Variants in LEPR observed in about 807,000 individuals in gnomAD.
LEPR encodes OB receptor.
Under a neutral mutation model 114.7 loss-of-function variants are expected in LEPR, and 56 were observed. The ratio of observed to expected loss-of-function variants is 0.49; its 90% CI spans 0.39 to 0.61. The LOEUF (loss-of-function observed/expected upper bound fraction) is 0.61, where lower values mean the gene tolerates loss of function less well. Ranked by LOEUF, LEPR falls within the 20% of genes least tolerant of loss-of-function variation. LEPR has a pLI of 0.00. For synonymous variants in LEPR, 443 were observed against 461.4 expected, an observed-to-expected ratio of 0.96 and a Z score of 0.51; for missense variants, 1,202 against 1,352.9, an observed-to-expected ratio of 0.89 and a Z score of 1.75.
intron 2 of LEPR, among the ~76,000 whole-genome samples, chr1:65,504,501 T>C (rs544113687): frequency 2.6e-5 from 4 of 152,330 alleles, no homozygotes; most frequent in Non-Finnish European, 4.4e-5. Flanking sequence ...TTCCTCTGCA[T>C]GTAACAAACA....
chr1:65,568,436 C>T (rs1653921113), intron 3 of LEPR, among the ~76,000 whole-genome samples: 1 of 152,040 alleles, frequency 6.6e-6, no homozygotes, highest in South Asian at 2.1e-4. Flanking sequence ...TTAGCTCCAT[C>T]CACGTTGTTG....
At chr1:65,497,294 A>G (rs1032784805) in intron 2 of LEPR, among the ~76,000 whole-genome samples, 2 of 152,206 alleles carry the variant, frequency 1.3e-5, no homozygotes, top group Non-Finnish European at 2.9e-5. Context: ...AAAATTCAGG[A>G]AAAGCTTATT....
At chr1:65,467,585 G>A (rs1239773445) in intron 2 of LEPR, among the ~76,000 whole-genome samples, 5 of 152,212 alleles carry the variant, frequency 3.3e-5, no homozygotes, top group African/African-American at 4.8e-5. Flanking sequence ...AGATAGGGAC[G>A]TTTAAGTCTG....
chr1:65,611,231 T>C (rs1476820634), intron 14 of LEPR, among the ~76,000 whole-genome samples: 2 of 152,218 alleles, frequency 1.3e-5, no homozygotes, highest in African/African-American at 4.8e-5. Context: ...CATTTTAATA[T>C]TTCCAACTTA....
intron 2 of LEPR, among the ~76,000 whole-genome samples, chr1:65,449,719 G>A (rs1382504846): frequency 6.7e-6 from 1 of 149,838 alleles, no homozygotes; most frequent in Non-Finnish European, 1.5e-5. Context: ...TAGTTTCATT[G>A]ATTTTTTTTC....
rs1012231889 is a variant in LEPR at position 65,626,329 on chromosome 1, T to A, written c.2673+3348T>A. ...GGTAAATTAAAGAAATGTGAAGAATTTTTATAATACAGTGGGTGTGAATGT... is the reference window on the plus strand; with the variant it reads ...GGTAAATTAAAGAAATGTGAAGAATATTTATAATACAGTGGGTGTGAATGT... On this transcript the variant is annotated intron_variant, in intron 19 of 19. Coordinates refer to ENST00000349533, the MANE Select transcript of LEPR (RefSeq NM_002303.6). 6.6e-5 allele frequency: 88 copies of A among 1,335,942 alleles called. 1 individual carries two copies. In the Admixed American group the frequency reaches 1.1e-3, roughly 17 times the overall value. 82.8% of individuals were successfully genotyped at this position (1,335,942 alleles called of 1,614,324 possible). A position where few individuals can be genotyped will look rare whatever the true frequency, so the allele number is the denominator to read the frequency against.
At chr1:65,435,925 C>A in intron 2 of LEPR, 1 of 985,026 alleles carries the variant, frequency 1.0e-6, no homozygotes, top group Non-Finnish European at 1.2e-6. Flanking sequence ...ATGCTACCAG[C>A]GTACAACAGT....
intron 5 of LEPR, 29 bp from the exon 6 acceptor site, chr1:65,592,628 T>C: frequency 6.2e-7 from 1 of 1,609,846 alleles, no homozygotes. Flanking sequence ...ATATCTGTTT[T>C]AATATTTAGC....
intron 2 of LEPR, among the ~76,000 whole-genome samples, chr1:65,507,639 G>A (rs957748233): frequency 9.9e-5 from 15 of 151,292 alleles, no homozygotes; most frequent in Admixed American, 7.3e-4. Context: ...GAATAATGCT[G>A]CAATGAGCAT....
At chr1:65,450,600 A>G (rs1206404386) in intron 2 of LEPR, among the ~76,000 whole-genome samples, 1 of 134,034 alleles carries the variant, frequency 7.5e-6, no homozygotes, top group East Asian at 2.1e-4. Context: ...TACAAAGGAC[A>G]TGAACTCATC....
intron 2 of LEPR, among the ~76,000 whole-genome samples, chr1:65,442,894 G>C (rs747433081): frequency 3.9e-5 from 6 of 152,146 alleles, no homozygotes; most frequent in Admixed American, 6.5e-5. Flanking sequence ...ACTGCACACA[G>C]AGACCATACT....
chr1:65,438,753 T>A (rs1011070285), intron 2 of LEPR, among the ~76,000 whole-genome samples: 1 of 152,164 alleles, frequency 6.6e-6, no homozygotes, highest in Non-Finnish European at 1.5e-5. Flanking sequence ...TCTGAATTTA[T>A]CCTCATGCAG....
intron 2 of LEPR, among the ~76,000 whole-genome samples, chr1:65,471,523 G>T (rs568516939): frequency 6.6e-6 from 1 of 152,224 alleles, no homozygotes; most frequent in South Asian, 2.1e-4. Context: ...TACAATGTTT[G>T]TGTTGCTCAT....
At chr1:65,484,061 T>C (rs1396475703) in intron 2 of LEPR, among the ~76,000 whole-genome samples, 2 of 152,024 alleles carry the variant, frequency 1.3e-5, no homozygotes, top group African/African-American at 2.4e-5. Context: ...CTTGTTACAT[T>C]GCCCAGGCTG....
intron 2 of LEPR, among the ~76,000 whole-genome samples, chr1:65,467,929 C>T (rs1647035354): frequency 6.6e-6 from 1 of 152,176 alleles, no homozygotes; most frequent in African/African-American, 2.4e-5. Flanking sequence ...TACTTTTTCT[C>T]CAGGTACAGT....
intron 2 of LEPR, among the ~76,000 whole-genome samples, chr1:65,462,425 G>A (rs1646957349): frequency 6.6e-6 from 1 of 152,326 alleles, no homozygotes; most frequent in African/African-American, 2.4e-5. Flanking sequence ...TTGGTTCCAA[G>A]TCTTTGCTAT....
At chr1:65,509,102 T>C (rs1421267056) in intron 2 of LEPR, among the ~76,000 whole-genome samples, 16 of 152,132 alleles carry the variant, frequency 1.1e-4, no homozygotes. Context: ...GTCTTCAGGA[T>C]TTTCCATCTA....
At chr1:65,603,351 TCACACA>T (rs35530125) in intron 10 of LEPR, among the ~76,000 whole-genome samples, 19 of 149,900 alleles carry the variant, frequency 1.3e-4, no homozygotes, top group African/African-American at 4.4e-4. Flanking sequence ...CACCATTTAT[TCACACA>T]CACACACACA....
rs1374617957 is a variant in LEPR at position 65,436,442 on chromosome 1, TAGGC to T, written c.-21+11067_-21+11070del. ...AGATCTGATGTTTTACTAGTGGATT[TAGGC>T]AGCCAGATTGTAAAGAAATCAAGCT... is the stretch of plus-strand genomic sequence containing the variant. On this transcript the variant is annotated intron_variant, in intron 2 of 19. Transcript: ENST00000349533. 2.6e-5 allele frequency among the ~76,000 whole-genome samples: 4 copies of T among 152,372 alleles called. No homozygotes were observed. The East Asian group carries it at 7.7e-4, about 29-fold the overall frequency.
Sources: allele counts gnomAD v4.1 joint callset (sites outside exome capture counted in the v4.1 genomes callset), GRCh38; gene constraint gnomAD v4.1.1; transcripts MANE v1.5; gene names NCBI Gene and HGNC (gene_info 2026-07-23, HGNC 2026-07-21).